REPS2: variants seen among roughly 807,000 people sequenced by gnomAD.
REPS2 encodes the protein RALBP1 associated Eps domain containing 2, also known as ralBP1-associated Eps domain-containing protein 2.
In REPS2, 23 loss-of-function variants were observed where a neutral mutation model predicts 53.6. The observed-to-expected ratio is 0.43, with a 90% confidence interval of 0.31 to 0.61. The LOEUF is 0.61. Among genes scored for constraint, REPS2 ranks in the 20% least tolerant of loss-of-function variants. The pLI is 0.11. For missense variants in REPS2, 446 were observed against 534.9 expected, an observed-to-expected ratio of 0.83 and a Z score of 1.64; for synonymous variants, 238 against 218.6, an observed-to-expected ratio of 1.09 and a Z score of -0.78.
At chrX:17,005,476 C>T (rs189084752) in intron 1 of REPS2, among the ~76,000 whole-genome samples, 67 of 111,642 alleles carry the variant, frequency 6.0e-4, no homozygotes, top group Admixed American at 5.7e-3. Context: ...CTCCTCCCTT[C>T]CCCCTTTTAT....
At chrX:17,021,700 A>G (rs2061579977) in intron 2 of REPS2, among the ~76,000 whole-genome samples, 1 of 112,700 alleles carries the variant, frequency 8.9e-6, no homozygotes, top group Admixed American at 9.4e-5. Flanking sequence ...TAGTTTTATC[A>G]TACAGAGTTG....
In REPS2 at chrX:16,980,312, A is replaced by T. The variant is rs112078978; in HGVS notation, c.274-25909A>T. Among the ~76,000 whole-genome samples, 567 of 96,737 alleles carry T rather than the reference A, an allele frequency of 5.9e-3. 5 individuals carry two copies. The highest frequency in any genetic ancestry group is 0.021 in the African/African-American group (543 of 25,609). 84.0% of individuals were successfully genotyped at this position (96,737 alleles called of 115,157 possible). A position where few individuals can be genotyped will look rare whatever the true frequency, so the allele number is the denominator to read the frequency against. ...TATTTATTCTTTATTTTTTATTTTTAAATTTTTTTTAGATGGAGTCTCACT... is the reference window on the plus strand; with the variant it reads ...TATTTATTCTTTATTTTTTATTTTTTAATTTTTTTTAGATGGAGTCTCACT... On this transcript the variant is annotated intron_variant, in intron 1 of 17. Transcript: ENST00000357277.
chrX:17,092,717 A>G (rs1353703537), intron 13 of REPS2, among the ~76,000 whole-genome samples: 2 of 106,773 alleles, frequency 1.9e-5, no homozygotes, highest in Admixed American at 1.0e-4. Context: ...AGTTGTTACT[A>G]TTAACAAGTA....
chrX:16,946,848 C>A lies in REPS2; in HGVS notation c.-14C>A. ...GCTAGGGACAGGGCTCCGCCGCGCC[C>A]CCTTGCTGGCCCCATGGAGGCGGCA... On this transcript the variant is annotated 5_prime_UTR_variant, in exon 1 of 18. Coordinates refer to ENST00000357277, the MANE Select transcript of REPS2 (RefSeq NM_004726.3). The A allele has an allele frequency of 1.3e-6, 1 of 758,864 alleles. No individual in the cohort carries two copies. Among genetic ancestry groups the A allele is most frequent in the Non-Finnish European group, 1.5e-6 (1 of 645,451 alleles). The allele number at this position is 758,864 out of a possible 1,213,427, so 62.5% of individuals were successfully genotyped here. A position where few individuals can be genotyped will look rare whatever the true frequency, so the allele number is the denominator to read the frequency against.
In REPS2 at chrX:16,968,871, C is replaced by T. The variant is rs1446916923; in HGVS notation, c.273+21737C>T. Among the ~76,000 whole-genome samples the T allele has an allele frequency of 5.5e-5, 6 of 108,559 alleles. No individual in the cohort carries two copies. In the South Asian group the frequency reaches 1.6e-3, roughly 29 times the overall value. 94.3% of individuals were successfully genotyped at this position (108,559 alleles called of 115,157 possible). A position where few individuals can be genotyped will look rare whatever the true frequency, so the allele number is the denominator to read the frequency against. On this transcript the variant is annotated intron_variant, in intron 1 of 17. Coordinates refer to ENST00000357277, the MANE Select transcript of REPS2 (RefSeq NM_004726.3). Reference sequence around the variant, plus strand: ...GGACGGGGTGGCTGCTGGGCGGAGACGTTCCTCACTTCCCAGACGGGATGG... The same window carrying T: ...GGACGGGGTGGCTGCTGGGCGGAGATGTTCCTCACTTCCCAGACGGGATGG...
At chrX:17,064,041 T>C (rs1181310885) in intron 9 of REPS2, among the ~76,000 whole-genome samples, 1 of 111,021 alleles carries the variant, frequency 9.0e-6, no homozygotes, top group Non-Finnish European at 1.9e-5. Context: ...CAGCTAGTTT[T>C]ATATACTTTT....
chrX:17,071,142 A>G (rs959973807), intron 11 of REPS2, among the ~76,000 whole-genome samples: 3 of 112,212 alleles, frequency 2.7e-5, no homozygotes, highest in Admixed American at 9.4e-5. Context: ...CTTAATTTTG[A>G]CTCTTGAAAC....
rs1414665337 is a variant in REPS2, at chrX:16,947,133, A to G, written c.272A>G (p.Gln91Arg). 3 of 1,075,116 alleles carry G rather than the reference A, an allele frequency of 2.8e-6. No individual in the cohort carries two copies. The highest frequency in any genetic ancestry group is 2.4e-5 in the South Asian group (1 of 41,527). 88.6% of individuals were successfully genotyped at this position (1,075,116 alleles called of 1,213,427 possible). A position where few individuals can be genotyped will look rare whatever the true frequency, so the allele number is the denominator to read the frequency against. Reference sequence around the variant, plus strand: ...CAGCTGCCCGCCGAGACGCTGCACCAGGTGGGTCCCTCCGCCTCCTGTCCC... The same window carrying G: ...CAGCTGCCCGCCGAGACGCTGCACCGGGTGGGTCCCTCCGCCTCCTGTCCC... ...ASQLPAETLH[Q>R]ITELCGAKRV... is the part of the protein sequence containing the mutation. Residue 91 changes from glutamine (Q) to arginine (R), a missense_variant and splice_region_variant, in exon 1 of 18, where the codon CAG (glutamine) becomes CGG (arginine). Physicochemically the swap from Gln to Arg is conservative, Grantham distance 43. Transcript: ENST00000357277.
In REPS2 at chrX:17,062,445, T is replaced by G. The variant is rs375220720; in HGVS notation, c.1122T>G (p.Pro374=). The G allele has an allele frequency of 1.2e-4, 147 of 1,195,038 alleles. No homozygotes were observed. The highest frequency in any genetic ancestry group is 1.6e-4 in the Non-Finnish European group (139 of 885,806). The part of the protein sequence containing the change: ...LQPEYLQAAF[P]KPKWDCQLFD... The stretch of plus-strand genomic sequence containing the variant: ...CTTTTTGTTTCTTCTTAGCTTTTCC[T>G]AAGCCCAAATGGGACTGTCAATTAT... The change falls in exon 9 of 18, where the codon CCT becomes CCG. Residue 374 remains proline, a synonymous_variant. Coordinates refer to ENST00000357277, the MANE Select transcript of REPS2 (RefSeq NM_004726.3).
At position 17,062,443 on chromosome X, in the gene REPS2, C is replaced by T. The variant is rs2062170918; in HGVS notation, c.1120C>T (p.Pro374Ser). 1 of 1,193,689 alleles carries T rather than the reference C, an allele frequency of 8.4e-7. No homozygotes were observed. The highest frequency in any genetic ancestry group is 1.7e-5 in the African/African-American group (1 of 57,169). The change falls in exon 9 of 18, where the codon CCT (proline) becomes TCT (serine). Residue 374 changes from proline (P) to serine (S), a missense_variant. By Grantham distance (74) the Pro-to-Ser change is moderately conservative (BLOSUM62 -1). Transcript: ENST00000357277. ...TTCTTTTTGTTTCTTCTTAGCTTTT[C>T]CTAAGCCCAAATGGGACTGTCAATT... The part of the protein sequence containing the change: ...LQPEYLQAAF[P>S]KPKWDCQLFD...
At chrX:16,977,627 G>T (rs1255575959) in intron 1 of REPS2, among the ~76,000 whole-genome samples, 1 of 108,025 alleles carries the variant, frequency 9.3e-6, no homozygotes, top group African/African-American at 3.4e-5. Flanking sequence ...GAGATGGGAG[G>T]ATTGCTTGAG....
chrX:17,133,785 G>T (rs1304728584), intron 14 of REPS2, 39 bp from the exon 15 acceptor site: 3 of 1,102,288 alleles, frequency 2.7e-6, no homozygotes, highest in Non-Finnish European at 3.8e-6. Context: ...GGTGATTGTG[G>T]TTTTGCATTT....
intron 1 of REPS2, among the ~76,000 whole-genome samples, chrX:16,968,805 T>C (rs1441239914): frequency 9.6e-4 from 62 of 64,751 alleles, no homozygotes; most frequent in Middle Eastern, 0.029. Context: ...CCGGATGGGG[T>C]GGCTGGCCGG....
At chrX:17,053,457 A>T (rs1034398486) in intron 7 of REPS2, among the ~76,000 whole-genome samples, 3 of 111,233 alleles carry the variant, frequency 2.7e-5, no homozygotes, top group African/African-American at 9.8e-5. Flanking sequence ...AGCTCATTGC[A>T]GCCTCTGACT....
intron 6 of REPS2, among the ~76,000 whole-genome samples, chrX:17,051,640 G>A (rs1406873059): frequency 2.7e-5 from 3 of 112,140 alleles, no homozygotes; most frequent in Non-Finnish European, 5.6e-5. Context: ...GAATAATGCT[G>A]ATTTGAATAT....
rs111833860 is a variant in REPS2 at position 17,039,438 on chromosome X, C to A, written c.772-7909C>A. Among the ~76,000 whole-genome samples the A allele has an allele frequency of 5.0e-3, 562 of 112,016 alleles. 3 individuals are homozygous for A. Among genetic ancestry groups the A allele is most frequent in the African/African-American group, 0.017 (538 of 30,787 alleles). On this transcript the variant is annotated intron_variant, in intron 5 of 17. Coordinates refer to ENST00000357277, the MANE Select transcript of REPS2 (RefSeq NM_004726.3). The stretch of plus-strand genomic sequence containing the variant: ...TTGTGATGACGTGCCAGATGCTTAC[C>A]TGCAAAAATTATGTGAGAAATAAAA...
At chrX:16,998,440 C>T (rs945919098) in intron 1 of REPS2, among the ~76,000 whole-genome samples, 7 of 112,072 alleles carry the variant, frequency 6.2e-5, no homozygotes, top group Non-Finnish European at 1.1e-4. Context: ...TATTCAACCC[C>T]ATTTTAGAAG....
At chrX:17,071,636 T>C (rs1182586388) in intron 11 of REPS2, among the ~76,000 whole-genome samples, 1 of 111,849 alleles carries the variant, frequency 8.9e-6, no homozygotes, top group Non-Finnish European at 1.9e-5. Flanking sequence ...TCCCTCCTTT[T>C]CTGGGAAATG....
In REPS2 at chrX:17,150,127, C is replaced by A. The variant is rs757452520; in HGVS notation, c.*2646C>A. The stretch of plus-strand genomic sequence containing the variant: ...TTATTATTACCTAAGTAGTGCTCAT[C>A]CTCTCTTTCTGTGTTTTCTTAGGAT... On this transcript the variant is annotated 3_prime_UTR_variant, in exon 18 of 18. Coordinates refer to ENST00000357277, the MANE Select transcript of REPS2 (RefSeq NM_004726.3). 20 of 112,584 alleles carry A rather than the reference C, an allele frequency of 1.8e-4. 1 individual carries two copies. Among genetic ancestry groups the A allele is most frequent in the Non-Finnish European group, 3.6e-4 (19 of 53,271 alleles). The allele number at this position is 112,584 out of a possible 1,213,427, so 9.3% of individuals were successfully genotyped here. A position where few individuals can be genotyped will look rare whatever the true frequency, so the allele number is the denominator to read the frequency against.
Sources: gnomAD v4.1 joint callset for allele counts (sites outside exome capture counted in the v4.1 genomes callset) on GRCh38, gnomAD v4.1.1 for gene constraint, MANE v1.5 for transcripts, NCBI Gene and HGNC (gene_info 2026-07-23, HGNC 2026-07-21) for gene names.